The following BTBD9 variants were observed in gnomAD, a reference collection of about 807,000 sequenced individuals.
The protein encoded by BTBD9 is BTB domain containing 9.
BTBD9 carries 49 observed loss-of-function variants against 64.3 expected under a neutral mutation model. That is an observed-to-expected ratio of 0.76 (90% CI 0.61 to 0.97). The LOEUF is 0.97. Among genes scored for constraint, BTBD9 ranks in the 50% least tolerant of loss-of-function variants. The probability of loss-of-function intolerance (pLI) is 0.00; values close to 1 mark genes in which losing one functional copy is unlikely to be tolerated. For synonymous variants in BTBD9, 260 were observed against 274.7 expected, an observed-to-expected ratio of 0.95 and a Z score of 0.53; for missense variants, 598 against 762.1, an observed-to-expected ratio of 0.78 and a Z score of 2.53.
chr6:38,380,460 A>C (rs1476593226), intron 6 of BTBD9, among the ~76,000 whole-genome samples: 1 of 152,262 alleles, frequency 6.6e-6, no homozygotes, highest in Admixed American at 6.5e-5. Context: ...ATCAAATAAA[A>C]TTCTAGGAAA....
At chr6:38,558,451 G>C (rs962797191) in intron 6 of BTBD9, among the ~76,000 whole-genome samples, 17 of 152,156 alleles carry the variant, frequency 1.1e-4, no homozygotes, top group African/African-American at 3.4e-4. Flanking sequence ...GGCGTGGTGA[G>C]AGTGGACATC....
intron 6 of BTBD9, among the ~76,000 whole-genome samples, chr6:38,545,869 C>T (rs1293930935): frequency 2.1e-5 from 3 of 142,316 alleles, no homozygotes; most frequent in African/African-American, 8.3e-5. Context: ...CACACACACA[C>T]ACACACACAC....
chr6:38,348,169 C>T (rs1764362445), intron 6 of BTBD9, among the ~76,000 whole-genome samples: 1 of 152,108 alleles, frequency 6.6e-6, no homozygotes, highest in South Asian at 2.1e-4. Flanking sequence ...GTTATTACTA[C>T]CCAAGTTATT....
At chr6:38,323,160 A>T (rs889884736) in intron 7 of BTBD9, among the ~76,000 whole-genome samples, 1 of 152,222 alleles carries the variant, frequency 6.6e-6, no homozygotes, top group African/African-American at 2.4e-5. Context: ...CTACAATAAC[A>T]TTATGTATCT....
At chr6:38,195,900 C>G (rs1249574626) in intron 9 of BTBD9, among the ~76,000 whole-genome samples, 1 of 152,204 alleles carries the variant, frequency 6.6e-6, no homozygotes, top group Non-Finnish European at 1.5e-5. Context: ...TTTCAAGAGC[C>G]ATTTAGTTTA....
At chr6:38,400,233 GCTAGC>G (rs998790825) in intron 6 of BTBD9, among the ~76,000 whole-genome samples, 1 of 151,986 alleles carries the variant, frequency 6.6e-6, no homozygotes, top group African/African-American at 2.4e-5. Flanking sequence ...CTCTCTCGCT[GCTAGC>G]CACTTCCTCT....
chr6:38,617,479 T>G (rs971193500), intron 1 of BTBD9, among the ~76,000 whole-genome samples: 1 of 152,174 alleles, frequency 6.6e-6, no homozygotes, highest in Admixed American at 6.5e-5. Flanking sequence ...ATTTGTAACA[T>G]AAATTTCAGG....
chr6:38,539,640 T>C (rs1774177468), intron 6 of BTBD9, among the ~76,000 whole-genome samples: 1 of 152,204 alleles, frequency 6.6e-6, no homozygotes, highest in South Asian at 2.1e-4. Context: ...TTTGATTACA[T>C]TTTTCTCAGA....
chr6:38,540,609 G>A (rs1167479384), intron 6 of BTBD9, among the ~76,000 whole-genome samples: 1 of 152,146 alleles, frequency 6.6e-6, no homozygotes, highest in Non-Finnish European at 1.5e-5. Flanking sequence ...GCTCTGTTCA[G>A]ATTTAGTTTT....
chr6:38,481,497 GA>G (rs972355250), intron 6 of BTBD9, among the ~76,000 whole-genome samples: 2 of 152,180 alleles, frequency 1.3e-5, no homozygotes, highest in Non-Finnish European at 2.9e-5. Flanking sequence ...TGAGTCTAGA[GA>G]AAATGAATTC....
chr6:38,323,617 C>T (rs540740557), intron 7 of BTBD9, among the ~76,000 whole-genome samples: 14 of 152,296 alleles, frequency 9.2e-5, no homozygotes, highest in Non-Finnish European at 2.1e-4. Flanking sequence ...CTTCTGTTTA[C>T]AGTCGTCAAT....
rs78278490 is a variant in BTBD9, at chr6:38,501,319, G to A, written c.1154+76281C>T. 4.5e-3 allele frequency among the ~76,000 whole-genome samples: 689 copies of A among 152,112 alleles called. 5 individuals carry two copies. Among genetic ancestry groups the A allele is most frequent in the African/African-American group, 0.013 (551 of 41,496 alleles). ...GGAGCATTTCAGATTTCAGGTTTTCGGATTAGGAATGCTCAACCAGTAGGT... is the reference window on the plus strand; with the variant it reads ...GGAGCATTTCAGATTTCAGGTTTTCAGATTAGGAATGCTCAACCAGTAGGT... On this transcript the variant is annotated intron_variant, in intron 6 of 10. Transcript: ENST00000481247.
intron 1 of BTBD9, among the ~76,000 whole-genome samples, chr6:38,633,108 A>C (rs576242987): frequency 7.2e-5 from 11 of 152,282 alleles, no homozygotes; most frequent in African/African-American, 2.6e-4. Context: ...CTATATTATC[A>C]AATTGTCTTC....
At chr6:38,266,630 GAAAGA>G (rs1765000354) in intron 8 of BTBD9, among the ~76,000 whole-genome samples, 1 of 74,922 alleles carries the variant, frequency 1.3e-5, no homozygotes, top group African/African-American at 6.7e-5. Flanking sequence ...AAGAAAGAAA[GAAAGA>G]AAGAAAGAAA....
intron 9 of BTBD9, among the ~76,000 whole-genome samples, chr6:38,242,533 G>A (rs9462416): frequency 0.71 from 108,080 of 152,116 alleles, 38,814 homozygotes; most frequent in East Asian, 0.94. Flanking sequence ...ACCAGTTACA[G>A]TATTGTTTGA....
chr6:38,350,188 T>G (rs925165907), intron 6 of BTBD9, among the ~76,000 whole-genome samples: 2 of 152,210 alleles, frequency 1.3e-5, no homozygotes, highest in Admixed American at 6.5e-5. Flanking sequence ...GACAGCATAG[T>G]ACTATGACCT....
rs1763959010 is a variant in BTBD9, at chr6:38,337,997, GCA to G, written c.1264+6985_1264+6986del. Among the ~76,000 whole-genome samples the G allele has an allele frequency of 2.0e-5, 3 of 152,290 alleles. No individual in the cohort carries two copies. The South Asian group carries it at 6.2e-4, about 32-fold the overall frequency. ...GGACTCCGGTGTTTCTGTTCAGATA[GCA>G]CAGTTCCAGTGGTGGCAGCAGTAGT... is the stretch of plus-strand genomic sequence containing the variant. On this transcript the variant is annotated intron_variant, in intron 7 of 10. Coordinates refer to ENST00000481247, the MANE Select transcript of BTBD9 (RefSeq NM_001099272.2).
chr6:38,290,595 T>A (rs1007807114), intron 7 of BTBD9, among the ~76,000 whole-genome samples: 2 of 152,164 alleles, frequency 1.3e-5, no homozygotes, highest in African/African-American at 4.8e-5. Context: ...GCTCATTGTA[T>A]CACTCAGGGA....
At position 38,212,825 on chromosome 6, in the gene BTBD9, C is replaced by T. The variant is rs150462658; in HGVS notation, c.1563-20228G>A. Among the ~76,000 whole-genome samples the T allele has an allele frequency of 4.3e-3, 652 of 152,280 alleles. 4 individuals carry two copies. Among genetic ancestry groups the T allele is most frequent in the Non-Finnish European group, 6.9e-3 (472 of 68,026 alleles). On this transcript the variant is annotated intron_variant, in intron 9 of 10. Coordinates refer to ENST00000481247, the MANE Select transcript of BTBD9 (RefSeq NM_001099272.2). ...GGAGACGGCCTCCTCCTCCTGGCTC[C>T]GTGTGGCTGTCCAATACCACCCCCT...
Sources: gnomAD v4.1 joint callset for allele counts (sites outside exome capture counted in the v4.1 genomes callset) on GRCh38, gnomAD v4.1.1 for gene constraint, MANE v1.5 for transcripts, NCBI Gene and HGNC (gene_info 2026-07-23, HGNC 2026-07-21) for gene names.